Variants in TENM1 observed in about 807,000 individuals in gnomAD.
The protein encoded by TENM1 is teneurin transmembrane protein 1.
Under a neutral mutation model 174.8 loss-of-function variants are expected in TENM1, and 35 were observed. The ratio of observed to expected loss-of-function variants is 0.20; its 90% CI spans 0.15 to 0.27. The LOEUF (loss-of-function observed/expected upper bound fraction) is 0.27. Among genes scored for constraint, TENM1 ranks in the 10% least tolerant of loss-of-function variants. The pLI, the probability that TENM1 is intolerant of heterozygous loss-of-function variation, is 1.00. For synonymous variants in TENM1, 781 were observed against 798.7 expected, an observed-to-expected ratio of 0.98 and a Z score of 0.37; for missense variants, 1,633 against 2,130.1, an observed-to-expected ratio of 0.77 and a Z score of 4.59.
chrX:124,500,711 A>G (rs1262339150), intron 19 of TENM1, among the ~76,000 whole-genome samples: 1 of 112,165 alleles, frequency 8.9e-6, no homozygotes, highest in Non-Finnish European at 1.9e-5. Flanking sequence ...TTTTAAACAT[A>G]CCAGTCATAC....
chrX:124,848,387 G>C (rs1448398722), intron 3 of TENM1, among the ~76,000 whole-genome samples: 2 of 110,786 alleles, frequency 1.8e-5, no homozygotes, highest in Non-Finnish European at 3.8e-5. Flanking sequence ...GACCTCTATT[G>C]CACCTCCTAT....
intron 22 of TENM1, among the ~76,000 whole-genome samples, chrX:124,477,549 C>T (rs1481329190): frequency 2.7e-5 from 3 of 110,424 alleles, no homozygotes; most frequent in African/African-American, 9.7e-5. Flanking sequence ...GTCAGGAGTT[C>T]GAGAACAGTC....
intron 22 of TENM1, among the ~76,000 whole-genome samples, chrX:124,457,978 C>T (rs2061128442): frequency 8.9e-6 from 1 of 112,023 alleles, no homozygotes; most frequent in Admixed American, 9.5e-5. Flanking sequence ...TTTTCTGCCA[C>T]AATCTGCTGT....
chrX:124,515,127 C>T (rs1217768987), intron 18 of TENM1, among the ~76,000 whole-genome samples: 1 of 111,504 alleles, frequency 9.0e-6, no homozygotes, highest in Admixed American at 9.5e-5. Context: ...GCATAAATGG[C>T]TTTGATAAAA....
At chrX:124,847,080 A>T (rs2056623465) in intron 3 of TENM1, among the ~76,000 whole-genome samples, 1 of 111,366 alleles carries the variant, frequency 9.0e-6, no homozygotes, top group African/African-American at 3.3e-5. Flanking sequence ...CTCAATACAA[A>T]TAAATTTGGA....
chrX:124,722,475 C>T (rs2053333971), intron 4 of TENM1, among the ~76,000 whole-genome samples: 1 of 111,233 alleles, frequency 9.0e-6, no homozygotes, highest in African/African-American at 3.3e-5. Context: ...GTAATATCAC[C>T]TCTACTGTGA....
chrX:124,645,859 C>T (rs761350367), intron 9 of TENM1, among the ~76,000 whole-genome samples: 7 of 111,430 alleles, frequency 6.3e-5, no homozygotes, highest in Non-Finnish European at 1.1e-4. Context: ...AAACTATGCA[C>T]TTTTTGAGGA....
chrX:125,187,591 A>G, the TENM1 span, among the ~76,000 whole-genome samples: 2 of 111,860 alleles, frequency 1.8e-5, no homozygotes, highest in Non-Finnish European at 3.8e-5. Flanking sequence ...GATGTTAATG[A>G]TCACTTCATA....
At chrX:124,879,251 C>T (rs180859855) in intron 3 of TENM1, among the ~76,000 whole-genome samples, 13 of 111,814 alleles carry the variant, frequency 1.2e-4, no homozygotes, top group East Asian at 5.6e-4. Flanking sequence ...TCTTTGTAAC[C>T]GTTAATAAAC....
intron 20 of TENM1, among the ~76,000 whole-genome samples, chrX:124,492,807 G>A (rs2047100444): frequency 9.1e-6 from 1 of 110,288 alleles, no homozygotes; most frequent in African/African-American, 3.3e-5. Context: ...CTGGTTGCTG[G>A]TGGGGCAGTG....
At chrX:124,537,924 T>C (rs753889560) in intron 15 of TENM1, among the ~76,000 whole-genome samples, 7 of 112,253 alleles carry the variant, frequency 6.2e-5, no homozygotes, top group Non-Finnish European at 9.4e-5. Flanking sequence ...TCATTAATTA[T>C]AACTGTTAAG....
At chrX:124,496,702 G>T (rs758720797) in intron 20 of TENM1, among the ~76,000 whole-genome samples, 2 of 111,939 alleles carry the variant, frequency 1.8e-5, no homozygotes, top group East Asian at 5.7e-4. Context: ...ACAGTGGCTA[G>T]CAGTGAATGA....
At chrX:124,523,873 A>AT (rs745816520) in intron 16 of TENM1, among the ~76,000 whole-genome samples, 6,354 of 90,447 alleles carry the variant, frequency 0.07, 248 homozygotes, top group African/African-American at 0.097. Flanking sequence ...TTGTAAACCA[A>AT]TTTTTTTTTT....
the TENM1 span, among the ~76,000 whole-genome samples, chrX:124,989,276 TA>T: frequency 9.0e-6 from 1 of 111,544 alleles, no homozygotes; most frequent in African/African-American, 3.2e-5. Context: ...AAAATAAAAT[TA>T]AAAATGCCAA....
intron 22 of TENM1, among the ~76,000 whole-genome samples, chrX:124,468,597 T>A (rs1406588760): frequency 8.9e-6 from 1 of 112,367 alleles, no homozygotes; most frequent in Non-Finnish European, 1.9e-5. Flanking sequence ...TTAGTGTGTA[T>A]CATTCCCATG....
chrX:125,061,977 G>C, the TENM1 span, among the ~76,000 whole-genome samples: 2,670 of 112,102 alleles, frequency 0.024, 85 homozygotes, highest in African/African-American at 0.081. Flanking sequence ...TCGAGCAATA[G>C]AGTGAAAGGT....
At chrX:124,419,860 T>C (rs1010459522) in intron 25 of TENM1, among the ~76,000 whole-genome samples, 2 of 112,185 alleles carry the variant, frequency 1.8e-5, no homozygotes, top group Non-Finnish European at 3.8e-5. Context: ...CAGCAACTTA[T>C]ACTGAGCTGG....
At chrX:125,134,574 C>T in the TENM1 span, among the ~76,000 whole-genome samples, 2 of 111,927 alleles carry the variant, frequency 1.8e-5, no homozygotes, top group Admixed American at 9.5e-5. Context: ...CCCGAAACTC[C>T]CAATTATGAC....
At chrX:124,623,213 G>T (rs781333757) in intron 11 of TENM1, among the ~76,000 whole-genome samples, 1 of 110,576 alleles carries the variant, frequency 9.0e-6, no homozygotes, top group African/African-American at 3.3e-5. Context: ...GCTTGAATGT[G>T]TGCATGAACG....
Sources: allele counts gnomAD v4.1 joint callset (sites outside exome capture counted in the v4.1 genomes callset), GRCh38; gene constraint gnomAD v4.1.1; transcripts MANE v1.5; gene names NCBI Gene and HGNC (gene_info 2026-07-23, HGNC 2026-07-21).